PRKAG2: variants seen among roughly 807,000 people sequenced by gnomAD.
PRKAG2 encodes the protein 5'-AMP-activated protein kinase subunit gamma-2.
PRKAG2 carries 26 observed loss-of-function variants against 69.6 expected under a neutral mutation model. The observed-to-expected ratio is 0.37, with a 90% CI of 0.27 to 0.52. The LOEUF is 0.52. Ranked by LOEUF, PRKAG2 falls within the 20% of genes least tolerant of loss-of-function variation. The pLI, the probability that PRKAG2 is intolerant of heterozygous loss-of-function variation, is 0.90. For synonymous variants in PRKAG2, 293 were observed against 285.0 expected (o/e 1.03, Z -0.28); for missense variants, 557 against 740.0 (o/e 0.75, Z 2.87).
chr7:151,867,373 T>A (rs1166814890), intron 1 of PRKAG2, among the ~76,000 whole-genome samples: 2 of 152,174 alleles, frequency 1.3e-5, no homozygotes, highest in Non-Finnish European at 2.9e-5. Context: ...CCACACGCCC[T>A]CCGAAACCTC....
At chr7:151,720,504 T>C (rs1796878101) in intron 3 of PRKAG2, among the ~76,000 whole-genome samples, 2 of 151,244 alleles carry the variant, frequency 1.3e-5, no homozygotes, top group East Asian at 2.0e-4. Flanking sequence ...TTAAAATAGA[T>C]AGAACAGACC....
At chr7:151,772,628 T>C (rs1467068331) in intron 3 of PRKAG2, among the ~76,000 whole-genome samples, 1 of 152,210 alleles carries the variant, frequency 6.6e-6, no homozygotes, top group Non-Finnish European at 1.5e-5. Context: ...GATTTAGATA[T>C]TCAAATGTTT....
At chr7:151,588,264 C>T (rs1041053342) in intron 6 of PRKAG2, among the ~76,000 whole-genome samples, 2 of 152,010 alleles carry the variant, frequency 1.3e-5, no homozygotes, top group Non-Finnish European at 2.9e-5. Context: ...TCCCATAATT[C>T]CCACGTGTCA....
Position 151,572,676 on chromosome 7 carries a change from C to T in PRKAG2, c.1039G>A (p.Glu347Lys), listed in dbSNP as rs1400509091. The change falls in exon 9 of 16, where the codon GAA (glutamate) becomes AAA (lysine). Residue 347 changes from glutamate to lysine, a missense_variant. By Grantham distance (56) the Glu-to-Lys change is moderately conservative (BLOSUM62 1). This residue lies in a region of PRKAG2 where 205 missense variants were observed against 383.4 expected (regional missense o/e 0.53). Coordinates refer to ENST00000287878, the MANE Select transcript of PRKAG2 (RefSeq NM_016203.4). Reference sequence around the variant, plus strand: ...CAATAGTGCTTACCCCTCCATGTTTCAATTTTATGTTCCTCTAATTCATAA... The same window carrying T: ...CAATAGTGCTTACCCCTCCATGTTTTAATTTTATGTTCCTCTAATTCATAA... ...QIYELEEHKIETWRELYLQET... is the reference protein window; with the variant it reads ...QIYELEEHKIKTWRELYLQET... 2 of 1,598,480 alleles carry T rather than the reference C, an allele frequency of 1.3e-6. No homozygotes were observed. The highest frequency in any genetic ancestry group is 1.7e-6 in the Non-Finnish European group (2 of 1,167,744).
intron 6 of PRKAG2, among the ~76,000 whole-genome samples, chr7:151,578,170 C>T (rs1809445553): frequency 6.6e-6 from 1 of 151,712 alleles, no homozygotes; most frequent in Admixed American, 6.6e-5. Flanking sequence ...CATGGTAAAA[C>T]CTCGTCTCCA....
At chr7:151,622,203 A>G (rs976743943) in intron 5 of PRKAG2, among the ~76,000 whole-genome samples, 6 of 152,232 alleles carry the variant, frequency 3.9e-5, no homozygotes, top group African/African-American at 1.4e-4. Flanking sequence ...CACTTCATCC[A>G]AGTCCCCGCA....
chr7:151,661,384 G>A lies in PRKAG2; in HGVS notation c.684+14036C>T, dbSNP rs1250088803. ...GTAGAGACGGGATTTCACCATATTG[G>A]TCAGGCTGGTCTTGAACTCCTGACC... On this transcript the variant is annotated intron_variant, in intron 4 of 15. Transcript: ENST00000287878. Among the ~76,000 whole-genome samples, 3 of 152,032 alleles carry A rather than the reference G, an allele frequency of 2.0e-5. No individual in the cohort carries two copies. In the East Asian group the frequency reaches 5.8e-4, roughly 29 times the overall value.
At chr7:151,840,889 C>T (rs1166782453) in intron 1 of PRKAG2, among the ~76,000 whole-genome samples, 1 of 152,232 alleles carries the variant, frequency 6.6e-6, no homozygotes, top group Non-Finnish European at 1.5e-5. Flanking sequence ...GTCCCAGCTA[C>T]TTGCGACGCT....
At chr7:151,637,610 T>G in intron 4 of PRKAG2, among the ~76,000 whole-genome samples, 1 of 152,210 alleles carries the variant, frequency 6.6e-6, no homozygotes, top group East Asian at 1.9e-4. Context: ...GCTAGTGGGA[T>G]TGAATTTATT....
chr7:151,602,864 G>A (rs1035820771), intron 5 of PRKAG2, among the ~76,000 whole-genome samples: 8 of 152,088 alleles, frequency 5.3e-5, no homozygotes, highest in Non-Finnish European at 2.9e-5. Context: ...CTCTGCCCTC[G>A]CTCTCTCTGT....
intron 4 of PRKAG2, among the ~76,000 whole-genome samples, chr7:151,633,998 C>T (rs61556956): frequency 0.13 from 19,101 of 152,218 alleles, 1,387 homozygotes; most frequent in African/African-American, 0.17. Context: ...GGCGCAACCT[C>T]GGCTCACTGC....
Position 151,756,813 on chromosome 7 carries a change from C to T in PRKAG2, c.466+24339G>A, listed in dbSNP as rs2075123333. Among the ~76,000 whole-genome samples, 1 of 152,202 alleles carries T rather than the reference C, an allele frequency of 6.6e-6. No individual in the cohort carries two copies. Among genetic ancestry groups the T allele is most frequent in the Non-Finnish European group, 1.5e-5 (1 of 68,032 alleles). ...CCTCACCTTTATAACCACGCAGCCA[C>T]ATAATCAGAACTGTGACGTCCGTGT... On this transcript the variant is annotated intron_variant, in intron 3 of 15. Coordinates refer to ENST00000287878, the MANE Select transcript of PRKAG2 (RefSeq NM_016203.4). This position sits in a 1 kb window ranked among gnomAD's most constrained non-coding sequence, Gnocchi z 4.9.
At position 151,807,045 on chromosome 7, in the gene PRKAG2, T is replaced by C. The variant is rs1329657633; in HGVS notation, c.115-20504A>G. 2.2e-6 allele frequency: 1 copy of C among 446,248 alleles called. No homozygotes were observed. The highest frequency in any genetic ancestry group is 2.0e-5 in the African/African-American group (1 of 49,208). 27.6% of individuals were successfully genotyped at this position (446,248 alleles called of 1,614,324 possible). A position where few individuals can be genotyped will look rare whatever the true frequency, so the allele number is the denominator to read the frequency against. On this transcript the variant is annotated intron_variant, in intron 1 of 15. Coordinates refer to ENST00000287878, the MANE Select transcript of PRKAG2 (RefSeq NM_016203.4). The surrounding 1 kb of genome is among the most constrained non-coding windows in gnomAD (Gnocchi z 4.4). Reference sequence around the variant, plus strand: ...ACATGGGATACACAAAGGTAAGACATGGACCCACCCTCAAGTCTGAAGGTG... The same window carrying C: ...ACATGGGATACACAAAGGTAAGACACGGACCCACCCTCAAGTCTGAAGGTG...
chr7:151,588,516 C>A (rs976361567), intron 6 of PRKAG2, among the ~76,000 whole-genome samples: 1 of 149,508 alleles, frequency 6.7e-6, no homozygotes, highest in South Asian at 2.2e-4. Context: ...GTACCCAACA[C>A]CAAGCCCAGC....
intron 1 of PRKAG2, among the ~76,000 whole-genome samples, chr7:151,841,278 G>A (rs74506264): frequency 0.018 from 2,811 of 152,288 alleles, 91 homozygotes; most frequent in African/African-American, 0.063. Context: ...ATGAGCCACC[G>A]TAGTGAGGGT....
intron 1 of PRKAG2, among the ~76,000 whole-genome samples, chr7:151,875,730 G>A (rs757328259): frequency 2.6e-5 from 4 of 151,990 alleles, no homozygotes; most frequent in Non-Finnish European, 5.9e-5. Context: ...CTACCGGGGC[G>A]CCTTCCGAAA....
rs79749397 is a variant in PRKAG2 at position 151,683,218 on chromosome 7, G to A, written c.467-7581C>T. Reference sequence around the variant, plus strand: ...AGCCATGGGCTGGTGACTTCACAGGGCCTGGCCCTGCTGGCAGGCGCTGGA... The same window carrying A: ...AGCCATGGGCTGGTGACTTCACAGGACCTGGCCCTGCTGGCAGGCGCTGGA... On this transcript the variant is annotated intron_variant, in intron 3 of 15. Transcript: ENST00000287878. Among the ~76,000 whole-genome samples the A allele has an allele frequency of 2.3e-3, 346 of 152,310 alleles. 3 individuals carry two copies. The highest frequency in any genetic ancestry group is 8.2e-3 in the African/African-American group (339 of 41,574).
Position 151,775,565 on chromosome 7 carries a change from C to T in PRKAG2, c.466+5587G>A, listed in dbSNP as rs150392651. 3.8e-3 allele frequency among the ~76,000 whole-genome samples: 575 copies of T among 152,322 alleles called. 1 individual carries two copies. Among genetic ancestry groups the T allele is most frequent in the Admixed American group, 6.9e-3 (106 of 15,296 alleles). On this transcript the variant is annotated intron_variant, in intron 3 of 15. Coordinates refer to ENST00000287878, the MANE Select transcript of PRKAG2 (RefSeq NM_016203.4). ...AAAGAAGAGGGACGAAAACTGGATT[C>T]AGAAAGGCTGGAAATGTATCCCTTA...
intron 4 of PRKAG2, among the ~76,000 whole-genome samples, chr7:151,651,910 T>G (rs1828590134): frequency 6.6e-6 from 1 of 151,994 alleles, no homozygotes; most frequent in African/African-American, 2.4e-5. Flanking sequence ...TGGGGTTGGA[T>G]GGGGAAAGGC....
Sources: allele counts gnomAD v4.1 joint callset (sites outside exome capture counted in the v4.1 genomes callset), GRCh38; gene constraint gnomAD v4.1.1; regional missense constraint gnomAD v4.1.1; non-coding constraint Gnocchi (gnomAD v3.1); transcripts MANE v1.5; gene names NCBI Gene and HGNC (gene_info 2026-07-23, HGNC 2026-07-21).